EPB41L2: variants seen among roughly 807,000 people sequenced by gnomAD.
EPB41L2 encodes the protein erythrocyte membrane protein band 4.1 like 2, also known as band 4.1-like protein 2.
Under a neutral mutation model 113.0 loss-of-function variants are expected in EPB41L2, and 43 were observed. That is an observed-to-expected ratio of 0.38 (90% CI 0.30 to 0.49). The LOEUF (loss-of-function observed/expected upper bound fraction) is 0.49. EPB41L2 is among the 20% of genes least tolerant of loss of function. The pLI, the probability that EPB41L2 is intolerant of heterozygous loss-of-function variation, is 0.95. For missense variants in EPB41L2, 1,147 were observed against 1,223.4 expected (o/e 0.94, Z 0.93); for synonymous variants, 442 against 436.7 (o/e 1.01, Z -0.15).
intron 12 of EPB41L2, chr6:130,880,657 A>G: frequency 4.4e-6 from 2 of 449,874 alleles, no homozygotes; most frequent in Non-Finnish European, 3.9e-6. Context: ...GTCTTTCTTC[A>G]CCTACAGTGT....
At chr6:130,937,216 A>G (rs1317889802) in intron 3 of EPB41L2, among the ~76,000 whole-genome samples, 1 of 152,210 alleles carries the variant, frequency 6.6e-6, no homozygotes, top group Non-Finnish European at 1.5e-5. Context: ...CAAATGTACA[A>G]TGACACGTAT....
chr6:131,034,385 A>T (rs1360053476), intron 1 of EPB41L2, among the ~76,000 whole-genome samples: 10 of 152,182 alleles, frequency 6.6e-5, no homozygotes, highest in Admixed American at 6.5e-4. Flanking sequence ...AGGCAAGCAC[A>T]TTGCCTGAGC....
Position 131,029,391 on chromosome 6 carries a change from T to TAAAA in EPB41L2, c.-15+33760_-15+33763dup, listed in dbSNP as rs757528439. Among the ~76,000 whole-genome samples, 17 of 119,442 alleles carry TAAAA rather than the reference T, an allele frequency of 1.4e-4. 1 individual carries two copies. Among genetic ancestry groups the TAAAA allele is most frequent in the African/African-American group, 2.3e-4 (7 of 30,552 alleles). The allele number at this position is 119,442 out of a possible 152,430, so 78.4% of individuals were successfully genotyped here. ...CACCCACCCTACTTCAGCATTTGTT[T>TAAAA]AAAAAAAAAAAAAAAAAAAAAAAGC... On this transcript the variant is annotated intron_variant, in intron 1 of 19. Coordinates refer to ENST00000337057, the MANE Select transcript of EPB41L2 (RefSeq NM_001431.4).
At chr6:131,008,305 G>T (rs1337132048) in intron 1 of EPB41L2, among the ~76,000 whole-genome samples, 1 of 152,250 alleles carries the variant, frequency 6.6e-6, no homozygotes, top group African/African-American at 2.4e-5. Flanking sequence ...AGCCTTGGTG[G>T]CATCCACGTG....
chr6:130,870,266 G>A (rs569652757), intron 14 of EPB41L2, 140 bp from the exon 15 acceptor site: 319 of 1,542,402 alleles, frequency 2.1e-4, no homozygotes, highest in Admixed American at 5.5e-4. Context: ...AGGGAAGCGG[G>A]GCAAACGTGA....
intron 14 of EPB41L2, among the ~76,000 whole-genome samples, chr6:130,877,225 G>A (rs76533605): frequency 6.6e-6 from 1 of 152,134 alleles, no homozygotes; most frequent in Non-Finnish European, 1.5e-5. Context: ...CTAAATCAAT[G>A]TCTACAATTT....
intron 1 of EPB41L2, among the ~76,000 whole-genome samples, chr6:131,031,448 G>T (rs1025258586): frequency 3.3e-5 from 5 of 152,010 alleles, no homozygotes; most frequent in Admixed American, 1.3e-4. Flanking sequence ...GTACCAAGGA[G>T]CATGCTGAAA....
chr6:130,939,200 G>C (rs1809918358), intron 3 of EPB41L2, among the ~76,000 whole-genome samples: 1 of 151,646 alleles, frequency 6.6e-6, no homozygotes, highest in African/African-American at 2.4e-5. Flanking sequence ...AATAAATAGT[G>C]ACCCAAACCA....
chr6:130,939,867 G>C lies in EPB41L2; in HGVS notation c.706-13158C>G, dbSNP rs1004420398. Among the ~76,000 whole-genome samples, 3 of 152,284 alleles carry C rather than the reference G, an allele frequency of 2.0e-5. No homozygotes were observed. In the East Asian group the frequency reaches 5.8e-4, roughly 29 times the overall value. ...TAGTATGTGACAAAACATGCTCATC[G>C]TTCAACTTTTATTAAGTAGAAAATA... On this transcript the variant is annotated intron_variant, in intron 3 of 19. Transcript: ENST00000337057.
intron 1 of EPB41L2, among the ~76,000 whole-genome samples, chr6:130,971,179 G>C (rs1776684047): frequency 1.3e-5 from 2 of 152,152 alleles, no homozygotes; most frequent in South Asian, 2.1e-4. Flanking sequence ...TTACAGGTGT[G>C]AGCCACCGCG....
At chr6:130,921,817 A>G (rs3777455) in intron 4 of EPB41L2, among the ~76,000 whole-genome samples, 64,744 of 152,018 alleles carry the variant, frequency 0.43, 16,262 homozygotes, top group Non-Finnish European at 0.54. Context: ...AGGACAGGGT[A>G]TATTAAGCTC....
chr6:130,872,263 A>T, intron 14 of EPB41L2: 1 of 825,798 alleles, frequency 1.2e-6, no homozygotes, highest in Non-Finnish European at 1.6e-6. Flanking sequence ...AGGAAGAATT[A>T]ATTTCACCAA....
intron 19 of EPB41L2, among the ~76,000 whole-genome samples, chr6:130,843,309 T>C (rs1776077498): frequency 6.6e-6 from 1 of 152,212 alleles, no homozygotes; most frequent in Non-Finnish European, 1.5e-5. Context: ...ACTTAATATC[T>C]GACAATTTTT....
At chr6:130,911,156 A>C (rs1799266127) in intron 4 of EPB41L2, among the ~76,000 whole-genome samples, 1 of 152,258 alleles carries the variant, frequency 6.6e-6, no homozygotes, top group African/African-American at 2.4e-5. Flanking sequence ...CTGGATAAAG[A>C]AAATGTGGCA....
intron 4 of EPB41L2, among the ~76,000 whole-genome samples, chr6:130,913,334 T>A (rs575974725): frequency 6.6e-6 from 1 of 152,200 alleles, no homozygotes; most frequent in Admixed American, 6.5e-5. Context: ...GGGGTTTACC[T>A]GATGTGATCA....
At chr6:131,014,846 T>C (rs1326417116) in intron 1 of EPB41L2, among the ~76,000 whole-genome samples, 1 of 152,224 alleles carries the variant, frequency 6.6e-6, no homozygotes, top group East Asian at 1.9e-4. Flanking sequence ...AGAACTTCTT[T>C]TCTGAATTTA....
intron 15 of EPB41L2, among the ~76,000 whole-genome samples, chr6:130,869,100 A>G (rs1437424326): frequency 6.6e-6 from 1 of 152,220 alleles, no homozygotes; most frequent in African/African-American, 2.4e-5. Flanking sequence ...CTGAAGCTGA[A>G]GAATGAGCCA....
chr6:130,970,197 A>G (rs1476978027), intron 1 of EPB41L2: 1 of 152,160 alleles, frequency 6.6e-6, no homozygotes, highest in Non-Finnish European at 1.5e-5. Context: ...AACTTCCTCC[A>G]CAAGCAGAAA....
At chr6:131,006,176 C>T (rs1260483399) in intron 1 of EPB41L2, among the ~76,000 whole-genome samples, 1 of 151,696 alleles carries the variant, frequency 6.6e-6, no homozygotes, top group African/African-American at 2.4e-5. Context: ...CATGCCTCAG[C>T]CTCCTGAGTA....
Sources: allele counts gnomAD v4.1 joint callset (sites outside exome capture counted in the v4.1 genomes callset), GRCh38; gene constraint gnomAD v4.1.1; transcripts MANE v1.5; gene names NCBI Gene and HGNC (gene_info 2026-07-23, HGNC 2026-07-21).